ENTREP2: variants seen among roughly 807,000 people sequenced by gnomAD.
The protein encoded by ENTREP2 is endosomal transmembrane epsin interactor 2.
chr15:29,548,638 C>T, the ENTREP2 span, among the ~76,000 whole-genome samples: 1,682 of 152,040 alleles, frequency 0.011, 34 homozygotes, highest in African/African-American at 0.038. Context: ...TCTAGTAAAA[C>T]TATTAAAGAA....
At chr15:29,172,081 T>C in the ENTREP2 span, among the ~76,000 whole-genome samples, 1 of 152,156 alleles carries the variant, frequency 6.6e-6, no homozygotes, top group African/African-American at 2.4e-5. Flanking sequence ...AAACAGCCCG[T>C]AATGCACCTC....
At chr15:29,150,460 G>A in the ENTREP2 span, among the ~76,000 whole-genome samples, 1 of 152,202 alleles carries the variant, frequency 6.6e-6, no homozygotes, top group Non-Finnish European at 1.5e-5. Context: ...AAATGGATGT[G>A]ATATTTACAG....
the ENTREP2 span, among the ~76,000 whole-genome samples, chr15:29,198,542 T>C: frequency 6.6e-6 from 1 of 152,228 alleles, no homozygotes; most frequent in Non-Finnish European, 1.5e-5. Flanking sequence ...AATTTGGGGG[T>C]GGGTGGGTTT....
chr15:29,243,048 C>T, the ENTREP2 span, among the ~76,000 whole-genome samples: 28 of 152,306 alleles, frequency 1.8e-4, no homozygotes, highest in South Asian at 2.5e-3. Context: ...GGCACTCACA[C>T]GCCACGGCGA....
At chr15:29,338,947 C>T in the ENTREP2 span, among the ~76,000 whole-genome samples, 35 of 152,296 alleles carry the variant, frequency 2.3e-4, no homozygotes, top group Admixed American at 2.3e-3. Context: ...GGCCCGAGAG[C>T]CTGTGCCAGG....
At chr15:29,406,532 A>G in the ENTREP2 span, among the ~76,000 whole-genome samples, 1 of 152,290 alleles carries the variant, frequency 6.6e-6, no homozygotes, top group East Asian at 1.9e-4. Flanking sequence ...TGGGCGACAG[A>G]GCGAAACTCT....
chr15:29,287,562 T>C, the ENTREP2 span, among the ~76,000 whole-genome samples: 1 of 152,180 alleles, frequency 6.6e-6, no homozygotes. Flanking sequence ...AGTAGAAATA[T>C]ATCTAATGAG....
the ENTREP2 span, among the ~76,000 whole-genome samples, chr15:29,397,625 C>G: frequency 2.0e-5 from 3 of 152,120 alleles, no homozygotes; most frequent in African/African-American, 7.2e-5. Flanking sequence ...ATTCAAAACC[C>G]AGGATGACAA....
At chr15:29,665,830 G>C in the ENTREP2 span, among the ~76,000 whole-genome samples, 1 of 151,378 alleles carries the variant, frequency 6.6e-6, no homozygotes, top group Non-Finnish European at 1.5e-5. Flanking sequence ...TGTTAGGAAT[G>C]CAAGGAACTT....
the ENTREP2 span, among the ~76,000 whole-genome samples, chr15:29,357,633 C>T: frequency 5.9e-5 from 9 of 151,958 alleles, no homozygotes; most frequent in South Asian, 6.2e-4. Context: ...GTCGGGAGAT[C>T]GAGACCATCC....
the ENTREP2 span, among the ~76,000 whole-genome samples, chr15:29,256,106 A>T: frequency 6.6e-6 from 1 of 152,088 alleles, no homozygotes; most frequent in African/African-American, 2.4e-5. Flanking sequence ...AATACTATAT[A>T]TTCTCACTTA....
At chr15:29,222,434 A>T in the ENTREP2 span, among the ~76,000 whole-genome samples, 2 of 152,182 alleles carry the variant, frequency 1.3e-5, no homozygotes, top group Non-Finnish European at 2.9e-5. Context: ...TTTACTTAAT[A>T]AACTTTCACT....
the ENTREP2 span, among the ~76,000 whole-genome samples, chr15:29,658,945 ATTCT>A: frequency 6.6e-6 from 1 of 152,204 alleles, no homozygotes; most frequent in Non-Finnish European, 1.5e-5. Flanking sequence ...CCTAACGAAA[ATTCT>A]TTCCCAACTA....
the ENTREP2 span, among the ~76,000 whole-genome samples, chr15:29,236,103 A>C: frequency 5.3e-5 from 8 of 152,222 alleles, no homozygotes; most frequent in African/African-American, 1.7e-4. Context: ...TACTTTAATA[A>C]GATCAACAAC....
the ENTREP2 span, among the ~76,000 whole-genome samples, chr15:29,621,787 A>G: frequency 2.6e-5 from 4 of 152,250 alleles, no homozygotes; most frequent in East Asian, 7.7e-4. Context: ...CAAAGAAAGC[A>G]GGGTCTTGAA....
At chr15:29,411,074 C>T in the ENTREP2 span, among the ~76,000 whole-genome samples, 12 of 152,280 alleles carry the variant, frequency 7.9e-5, no homozygotes, top group African/African-American at 1.9e-4. Flanking sequence ...TGAGCCACTG[C>T]GCCTGGCCTA....
chr15:29,244,709 C>T, the ENTREP2 span, among the ~76,000 whole-genome samples: 2 of 152,192 alleles, frequency 1.3e-5, no homozygotes, highest in Non-Finnish European at 2.9e-5. Context: ...GAGAGTCTCC[C>T]CCACGCAGGC....
At chr15:29,120,460 T>TA in the ENTREP2 span, 1 of 152,208 alleles carries the variant, frequency 6.6e-6, no homozygotes, top group African/African-American at 2.4e-5. Context: ...CCTGGTGTGT[T>TA]ACAAGCATTT....
At chr15:29,383,902 C>T in the ENTREP2 span, among the ~76,000 whole-genome samples, 1 of 152,194 alleles carries the variant, frequency 6.6e-6, no homozygotes, top group African/African-American at 2.4e-5. Context: ...CGGCGACAGA[C>T]ATTATTTACA....
Sources: gnomAD v4.1 joint callset for allele counts (sites outside exome capture counted in the v4.1 genomes callset) on GRCh38, gnomAD v4.1.1 for gene constraint, MANE v1.5 for transcripts, NCBI Gene and HGNC (gene_info 2026-07-23, HGNC 2026-07-21) for gene names.